The following PLCG2 variants were observed in gnomAD, a reference collection of about 807,000 sequenced individuals.
PLCG2 encodes the protein phospholipase C gamma 2, also known as 1-phosphatidylinositol 4,5-bisphosphate phosphodiesterase gamma-2.
A neutral mutation model predicts 175.6 loss-of-function variants in PLCG2; 69 were observed. That is an observed-to-expected ratio of 0.39 (90% CI 0.32 to 0.48). PLCG2 has a LOEUF of 0.48. Ranked by LOEUF, PLCG2 falls within the 20% of genes least tolerant of loss-of-function variation. PLCG2 has a pLI of 0.91. For missense variants in PLCG2, 1,798 were observed against 1,650.9 expected (o/e 1.09, Z -1.54); for synonymous variants, 827 against 624.0 (o/e 1.33, Z -4.85).
intron 29 of PLCG2, 95 bp from the exon 30 acceptor site, chr16:81,939,797 T>C (rs547554995): frequency 2.0e-5 from 16 of 786,952 alleles, no homozygotes; most frequent in Non-Finnish European, 3.5e-5. Context: ...TTTACATGGT[T>C]GCTAAGGGGA....
intron 2 of PLCG2, among the ~76,000 whole-genome samples, chr16:81,805,762 G>GTTTTTTTT (rs1567473489): frequency 7.7e-5 from 3 of 38,908 alleles, no homozygotes; most frequent in African/African-American, 4.1e-4. Context: ...GTAGTGTTTT[G>GTTTTTTTT]TTTTGTTTTT....
At chr16:81,923,098 T>G (rs1349721293) in intron 21 of PLCG2, among the ~76,000 whole-genome samples, 1 of 152,138 alleles carries the variant, frequency 6.6e-6, no homozygotes, top group Non-Finnish European at 1.5e-5. Flanking sequence ...AGTCTTGGCT[T>G]AATCTAAAAG....
chr16:81,912,769 G>C (rs918277982), intron 19 of PLCG2, 53 bp downstream of exon 19: 10 of 1,508,314 alleles, frequency 6.6e-6, no homozygotes, highest in Non-Finnish European at 8.0e-6. Flanking sequence ...GGCAAGGACA[G>C]ATGCGGAGAG....
chr16:81,934,326 T>C (rs775001164), intron 25 of PLCG2, 103 bp from the exon 26 acceptor site: 31 of 694,306 alleles, frequency 4.5e-5, no homozygotes, highest in Non-Finnish European at 8.1e-5. Flanking sequence ...AAGATCCGAG[T>C]GTGCAAGAAA....
intron 19 of PLCG2, among the ~76,000 whole-genome samples, chr16:81,914,051 G>A (rs1250656517): frequency 6.6e-6 from 1 of 152,192 alleles, no homozygotes; most frequent in Non-Finnish European, 1.5e-5. Context: ...TTTCCCCTAA[G>A]CCTCTTAGTG....
chr16:81,815,528 C>G (rs1278675434), intron 2 of PLCG2, among the ~76,000 whole-genome samples: 1 of 152,202 alleles, frequency 6.6e-6, no homozygotes, highest in East Asian at 1.9e-4. Flanking sequence ...CTTCTTCAGC[C>G]TGCCCTGCCT....
At chr16:81,860,494 G>C (rs1270898087) in intron 5 of PLCG2, among the ~76,000 whole-genome samples, 1 of 152,134 alleles carries the variant, frequency 6.6e-6, no homozygotes, top group African/African-American at 2.4e-5. Flanking sequence ...ATTTCTACCA[G>C]TGGGGCAAGA....
At chr16:81,921,525 C>G (rs893914937) in intron 21 of PLCG2, 2 of 486,886 alleles carry the variant, frequency 4.1e-6, no homozygotes, top group African/African-American at 3.9e-5. Context: ...ACCTTTGGGC[C>G]AAATGGCTTC....
chr16:81,777,202 C>T (rs1237160726), upstream of PLCG2, among the ~76,000 whole-genome samples: 1 of 152,098 alleles, frequency 6.6e-6, no homozygotes, highest in African/African-American at 2.4e-5. Context: ...GAATTGGCAT[C>T]TGTCAAGATA....
chr16:81,845,394 T>G (rs1285834111), intron 2 of PLCG2, among the ~76,000 whole-genome samples: 1 of 152,230 alleles, frequency 6.6e-6, no homozygotes, highest in Non-Finnish European at 1.5e-5. Context: ...CGCACACTCA[T>G]TTAATCCCCA....
intron 10 of PLCG2, among the ~76,000 whole-genome samples, chr16:81,890,593 A>G (rs1908584750): frequency 6.6e-6 from 1 of 152,240 alleles, no homozygotes; most frequent in South Asian, 2.1e-4. Context: ...GCACAGAAAC[A>G]GAATGCGAAG....
intron 7 of PLCG2, among the ~76,000 whole-genome samples, chr16:81,874,483 C>G (rs1325818501): frequency 6.6e-6 from 1 of 152,212 alleles, no homozygotes; most frequent in East Asian, 1.9e-4. Flanking sequence ...AACCTCACTG[C>G]TGTTGTGTAG....
intron 7 of PLCG2, among the ~76,000 whole-genome samples, chr16:81,879,550 A>G (rs1907977593): frequency 1.3e-5 from 2 of 152,080 alleles, no homozygotes; most frequent in Admixed American, 1.3e-4. Context: ...CCTTTCTAGA[A>G]CCCTGATAGT....
At chr16:81,838,640 G>C (rs1177300486) in intron 2 of PLCG2, among the ~76,000 whole-genome samples, 3 of 152,070 alleles carry the variant, frequency 2.0e-5, no homozygotes, top group East Asian at 3.9e-4. Context: ...GAGAGCGTTA[G>C]GACAAATACC....
chr16:81,904,564 T>C (rs1909283043), intron 14 of PLCG2, among the ~76,000 whole-genome samples: 1 of 152,180 alleles, frequency 6.6e-6, no homozygotes, highest in Non-Finnish European at 1.5e-5. Context: ...TAATCCCCAT[T>C]GGGTCCCCCG....
intron 9 of PLCG2, among the ~76,000 whole-genome samples, chr16:81,885,614 A>C (rs1335041361): frequency 7.1e-6 from 1 of 141,560 alleles, no homozygotes; most frequent in Non-Finnish European, 1.6e-5. Flanking sequence ...TGTTTCTCTC[A>C]CAGATAGAAC....
At chr16:81,792,470 G>A (rs1398701578) in intron 2 of PLCG2, among the ~76,000 whole-genome samples, 10 of 106,418 alleles carry the variant, frequency 9.4e-5, no homozygotes, top group Non-Finnish European at 1.6e-4. Context: ...GACAGAGCAA[G>A]GCTCTGTCTC....
At chr16:81,841,833 A>C (rs1390536183) in intron 2 of PLCG2, among the ~76,000 whole-genome samples, 1 of 152,174 alleles carries the variant, frequency 6.6e-6, no homozygotes, top group East Asian at 1.9e-4. Flanking sequence ...TGTGTGAAGT[A>C]ACCTAACACC....
At position 81,962,188 on chromosome 16, in the gene PLCG2, G is replaced by C. The variant is rs1330878919; in HGVS notation, c.*4190G>C. ...AAGATTGCTGATCTAGGGCCACTAAGTGATGAATTGTATTTGGAAGCAAAA... is the reference window on the plus strand; with the variant it reads ...AAGATTGCTGATCTAGGGCCACTAACTGATGAATTGTATTTGGAAGCAAAA... On this transcript the variant is annotated 3_prime_UTR_variant, in exon 33 of 33. Coordinates refer to ENST00000564138, the MANE Select transcript of PLCG2 (RefSeq NM_002661.5). 6.7e-5 allele frequency: 8 copies of C among 118,874 alleles called. No individual in the cohort carries two copies. The highest frequency in any genetic ancestry group is 9.6e-5 in the Non-Finnish European group (5 of 52,068). The allele number at this position is 118,874 out of a possible 1,614,324, so 7.4% of individuals were successfully genotyped here. A position where few individuals can be genotyped will look rare whatever the true frequency, so the allele number is the denominator to read the frequency against.
Sources: allele counts gnomAD v4.1 joint callset (sites outside exome capture counted in the v4.1 genomes callset), GRCh38; gene constraint gnomAD v4.1.1; transcripts MANE v1.5; gene names NCBI Gene and HGNC (gene_info 2026-07-23, HGNC 2026-07-21).